LAMA3: variants seen among roughly 807,000 people sequenced by gnomAD.
The protein encoded by LAMA3 is laminin subunit alpha 3, also known as laminin subunit alpha-3.
LAMA3 carries 281 observed loss-of-function variants against 402.0 expected under a neutral mutation model. The observed-to-expected ratio is 0.70, with a 90% CI of 0.63 to 0.77. The LOEUF (loss-of-function observed/expected upper bound fraction) is 0.77, where lower values mean the gene tolerates loss of function less well. Among genes scored for constraint, LAMA3 ranks in the 30% least tolerant of loss-of-function variants. The pLI is 0.00. For synonymous variants in LAMA3, 1,431 were observed against 1,558.4 expected (o/e 0.92, Z 1.93); for missense variants, 3,840 against 4,215.5 (o/e 0.91, Z 2.47).
chr18:23,767,578 C>CCTTTTTTTTTT, intron 8 of LAMA3, among the ~76,000 whole-genome samples: 1 of 125,806 alleles, frequency 7.9e-6, no homozygotes, highest in African/African-American at 3.0e-5. Context: ...TCTTTCTTTT[C>CCTTTTTTTTTT]TTTTTTTTTT....
At chr18:23,930,997 G>C (rs1210688844) in intron 64 of LAMA3, 65 bp from the exon 65 acceptor site, 4 of 1,428,638 alleles carry the variant, frequency 2.8e-6, no homozygotes, top group Non-Finnish European at 3.9e-6. Context: ...GATAAATTCA[G>C]TAAAGATACA....
chr18:23,826,386 A>G (rs2063382413), intron 21 of LAMA3, among the ~76,000 whole-genome samples: 1 of 152,240 alleles, frequency 6.6e-6, no homozygotes, highest in Non-Finnish European at 1.5e-5. Context: ...AGAACATTTC[A>G]TCAGTTGACA....
At chr18:23,851,421 C>T (rs547969758) in intron 32 of LAMA3, among the ~76,000 whole-genome samples, 6 of 152,284 alleles carry the variant, frequency 3.9e-5, no homozygotes, top group East Asian at 3.9e-4. Context: ...CTGTCTCTGC[C>T]GCTCACTCTC....
intron 12 of LAMA3, among the ~76,000 whole-genome samples, chr18:23,786,039 CTT>C (rs1032931427): frequency 6.6e-6 from 1 of 152,144 alleles, no homozygotes; most frequent in Admixed American, 6.5e-5. Context: ...GGTAGATACT[CTT>C]TTCAGTAAAA....
In LAMA3 at chr18:23,842,622, G is replaced by A; in HGVS notation, c.3475G>A (p.Ala1159Thr). The A allele has an allele frequency of 6.2e-7, 1 of 1,614,170 alleles. No homozygotes were observed. The highest frequency in any genetic ancestry group is 8.5e-7 in the Non-Finnish European group (1 of 1,180,046). The stretch of plus-strand genomic sequence containing the variant: ...TCTCTCTCTGCCAGGCTCCTTCCAT[G>A]CCTCTTTTTGCCCCCATGTGCTTGG... ...GGWPRAGSFHASFCPHVLGCR... is the reference protein window; with the variant it reads ...GGWPRAGSFHTSFCPHVLGCR... Residue 1159 changes from alanine to threonine, a missense_variant, in exon 29 of 75, where the codon GCC becomes ACC. Ala to Thr is a moderately conservative substitution (Grantham distance 58, BLOSUM62 0). Coordinates refer to ENST00000313654, the MANE Select transcript of LAMA3 (RefSeq NM_198129.4).
chr18:23,811,091 G>T (rs116919883), intron 13 of LAMA3, among the ~76,000 whole-genome samples: 17 of 152,110 alleles, frequency 1.1e-4, no homozygotes, highest in African/African-American at 4.1e-4. Flanking sequence ...GTGCACTGAG[G>T]GGGAGATGAA....
chr18:23,847,909 C>A (rs1400207120), intron 32 of LAMA3, among the ~76,000 whole-genome samples: 1 of 152,246 alleles, frequency 6.6e-6, no homozygotes, highest in Admixed American at 6.5e-5. Flanking sequence ...AGCAGCCTTG[C>A]CCATTGACTC....
chr18:23,793,362 G>T (rs574706106), intron 12 of LAMA3, among the ~76,000 whole-genome samples: 1 of 152,006 alleles, frequency 6.6e-6, no homozygotes, highest in Non-Finnish European at 1.5e-5. Context: ...GGTCAGCAAG[G>T]CCCCAAGATG....
At chr18:23,730,336 A>G (rs1403483304) in intron 2 of LAMA3, among the ~76,000 whole-genome samples, 5 of 144,722 alleles carry the variant, frequency 3.5e-5, no homozygotes, top group South Asian at 2.2e-4. Context: ...ACTGCCCTCA[A>G]TCTCCTCCCC....
intron 39 of LAMA3, among the ~76,000 whole-genome samples, chr18:23,876,959 T>G (rs2064740177): frequency 6.6e-6 from 1 of 152,156 alleles, no homozygotes; most frequent in African/African-American, 2.4e-5. Flanking sequence ...AGGCAGAGGT[T>G]GCACTGAGCC....
intron 1 of LAMA3, among the ~76,000 whole-genome samples, chr18:23,700,844 C>T (rs541449565): frequency 1.3e-5 from 2 of 152,100 alleles, no homozygotes; most frequent in South Asian, 2.1e-4. Flanking sequence ...ACTACAGGGG[C>T]GTGCCACCAT....
chr18:23,834,190 G>A lies in LAMA3; in HGVS notation c.2984+202G>A, dbSNP rs369269620. 1.8e-3 allele frequency: 1,081 copies of A among 613,072 alleles called. 17 individuals carry two copies. In the South Asian group the frequency reaches 0.019, roughly 11 times the overall value. The allele number at this position is 613,072 out of a possible 1,614,324, so 38.0% of individuals were successfully genotyped here. ...TCTCTATGGGCAGTGTAAAAATGTG[G>A]CATTTTCTTAAAAAGCTGTATGCTG... On this transcript the variant is annotated intron_variant, in intron 24 of 74. Coordinates refer to ENST00000313654, the MANE Select transcript of LAMA3 (RefSeq NM_198129.4).
chr18:23,703,664 T>TGTG (rs981177187), intron 1 of LAMA3, among the ~76,000 whole-genome samples: 1 of 151,912 alleles, frequency 6.6e-6, no homozygotes, highest in Non-Finnish European at 1.5e-5. Context: ...AAAAGGTGTG[T>TGTG]GTGTGTGTGT....
intron 30 of LAMA3, among the ~76,000 whole-genome samples, chr18:23,845,910 G>C (rs1435196752): frequency 6.6e-6 from 1 of 152,152 alleles, no homozygotes; most frequent in Non-Finnish European, 1.5e-5. Flanking sequence ...AACATTCAAT[G>C]AATGATAGCG....
At position 23,713,906 on chromosome 18, in the gene LAMA3, T is replaced by C. The variant is rs1413174854; in HGVS notation, c.295-14T>C. 1 of 1,003,826 alleles carries C rather than the reference T, an allele frequency of 1.0e-6. No homozygotes were observed. Among genetic ancestry groups the C allele is most frequent in the Non-Finnish European group, 1.4e-6 (1 of 735,166 alleles). 62.2% of individuals were successfully genotyped at this position (1,003,826 alleles called of 1,614,324 possible). ...AAAACAAAAAACAAAAAAAACCCAC[T>C]TTTTTTTTTTCAGGGCCAGTTCTGT... On this transcript the variant is annotated splice_polypyrimidine_tract_variant and intron_variant, in intron 1 of 74. Transcript: ENST00000313654.
intron 40 of LAMA3, among the ~76,000 whole-genome samples, chr18:23,882,591 G>C (rs138580381): frequency 1.3e-5 from 2 of 149,966 alleles, no homozygotes; most frequent in East Asian, 3.9e-4. Context: ...GCCTGGGCGA[G>C]AGAGCGAGAC....
At chr18:23,919,791 G>C (rs1184260367) in intron 60 of LAMA3, among the ~76,000 whole-genome samples, 1 of 151,898 alleles carries the variant, frequency 6.6e-6, no homozygotes, top group Non-Finnish European at 1.5e-5. Context: ...TAGGGGTCAG[G>C]GCTTCATCCT....
chr18:23,880,948 C>T (rs1368319617), intron 39 of LAMA3, among the ~76,000 whole-genome samples: 1 of 152,176 alleles, frequency 6.6e-6, no homozygotes, highest in East Asian at 1.9e-4. Context: ...CAAGCAACAC[C>T]TCTGCATACA....
chr18:23,819,845 G>A lies in LAMA3; in HGVS notation c.2152G>A (p.Glu718Lys). 6.2e-7 allele frequency: 1 copy of A among 1,613,978 alleles called. No individual in the cohort carries two copies. The highest frequency in any genetic ancestry group is 8.5e-7 in the Non-Finnish European group (1 of 1,179,860). The change falls in exon 19 of 75, where the codon GAA becomes AAA. Residue 718 changes from glutamate to lysine, a missense_variant. Physicochemically the swap from Glu to Lys is moderately conservative, Grantham distance 56. This residue lies in a region of LAMA3 where 2,109 missense variants were observed against 2,376.0 expected (regional missense o/e 0.89). Coordinates refer to ENST00000313654, the MANE Select transcript of LAMA3 (RefSeq NM_198129.4). ...TTTACTTTTTAATTATGAAAGGCCTGAAAACAACTACTATTTCCCAGATTT... is the reference window on the plus strand; with the variant it reads ...TTTACTTTTTAATTATGAAAGGCCTAAAAACAACTACTATTTCCCAGATTT... ...HVVGKVCQRPENNYYFPDLHH... is the reference protein window; with the variant it reads ...HVVGKVCQRPKNNYYFPDLHH...
Sources: gnomAD v4.1 joint callset for allele counts (sites outside exome capture counted in the v4.1 genomes callset) on GRCh38, gnomAD v4.1.1 for gene constraint, gnomAD v4.1.1 regional missense constraint, MANE v1.5 for transcripts, NCBI Gene and HGNC (gene_info 2026-07-23, HGNC 2026-07-21) for gene names.